Variants in GPM6A observed in about 807,000 individuals in gnomAD.
The protein encoded by GPM6A is neuronal membrane glycoprotein M6-a.
In GPM6A, 7 loss-of-function variants were observed where a neutral mutation model predicts 32.1. That is an observed-to-expected ratio of 0.22 (90% confidence interval 0.12 to 0.41). The LOEUF (loss-of-function observed/expected upper bound fraction) is 0.41. GPM6A is among the 10% of genes least tolerant of loss of function. GPM6A has a pLI of 1.00. For missense variants in GPM6A, 235 were observed against 347.2 expected, an observed-to-expected ratio of 0.68 and a Z score of 2.57; for synonymous variants, 130 against 123.4, an observed-to-expected ratio of 1.05 and a Z score of -0.35.
At chr4:175,665,121 A>T (rs2110958184) in intron 3 of GPM6A, among the ~76,000 whole-genome samples, 1 of 152,318 alleles carries the variant, frequency 6.6e-6, no homozygotes, top group South Asian at 2.1e-4. Flanking sequence ...TAGGGGGTGC[A>T]TCACTGTAAT....
At chr4:175,847,836 A>T (rs1404219279) in intron 1 of GPM6A, among the ~76,000 whole-genome samples, 1 of 152,224 alleles carries the variant, frequency 6.6e-6, no homozygotes, top group Non-Finnish European at 1.5e-5. Flanking sequence ...GTAGCACGTG[A>T]TAAGTGCTTT....
Position 175,710,416 on chromosome 4 carries a change from TAA to T in GPM6A, c.38-8651_38-8650del, listed in dbSNP as rs1745462763. On this transcript the variant is annotated intron_variant, in intron 1 of 6. Coordinates refer to ENST00000393658, the MANE Select transcript of GPM6A (RefSeq NM_201591.3). Reference sequence around the variant, plus strand: ...TTCTTGTTCAGTTTTAAGTATTCTCTAAAGTTTATTGAGATCTCTTTTTGACA... The same window carrying T: ...TTCTTGTTCAGTTTTAAGTATTCTCTAGTTTATTGAGATCTCTTTTTGACA... 9.8e-5 allele frequency among the ~76,000 whole-genome samples: 15 copies of T among 152,304 alleles called. No homozygotes were observed. In the South Asian group the frequency reaches 3.1e-3, roughly 32 times the overall value.
intron 4 of GPM6A, among the ~76,000 whole-genome samples, chr4:175,648,448 T>G (rs1199849230): frequency 6.6e-6 from 1 of 152,164 alleles, no homozygotes; most frequent in Non-Finnish European, 1.5e-5. Context: ...ATCAAGTAAA[T>G]GTAGGAGATC....
At chr4:175,840,249 A>C (rs1031040722) in intron 1 of GPM6A, among the ~76,000 whole-genome samples, 1 of 152,230 alleles carries the variant, frequency 6.6e-6, no homozygotes, top group African/African-American at 2.4e-5. Flanking sequence ...CAATCTTTAA[A>C]GTATTTACTT....
At chr4:175,781,591 C>A (rs187419500) in intron 1 of GPM6A, among the ~76,000 whole-genome samples, 2 of 152,338 alleles carry the variant, frequency 1.3e-5, no homozygotes, top group East Asian at 1.9e-4. Flanking sequence ...TTCATTCGGT[C>A]ATTACCTCAA....
At chr4:175,970,890 C>T (rs1233245150) in intron 1 of GPM6A, 1 of 452,984 alleles carries the variant, frequency 2.2e-6, no homozygotes, top group Non-Finnish European at 4.4e-6. Flanking sequence ...AGGCATCACT[C>T]GATACCGACA....
chr4:175,726,557 G>T (rs1468132137), intron 1 of GPM6A, among the ~76,000 whole-genome samples: 2 of 152,098 alleles, frequency 1.3e-5, no homozygotes, highest in African/African-American at 4.8e-5. Context: ...AAACTATGCT[G>T]AAGCTTTACA....
intron 2 of GPM6A, among the ~76,000 whole-genome samples, chr4:175,682,033 T>C (rs1429048333): frequency 1.3e-5 from 2 of 152,174 alleles, no homozygotes; most frequent in African/African-American, 2.4e-5. Flanking sequence ...TAAATGATTG[T>C]GACCAACATG....
intron 2 of GPM6A, among the ~76,000 whole-genome samples, chr4:175,699,520 C>A (rs1450094624): frequency 6.6e-6 from 1 of 152,168 alleles, no homozygotes; most frequent in African/African-American, 2.4e-5. Flanking sequence ...GTTAATTCTT[C>A]ATTCCCATTT....
chr4:175,640,708 G>T, intron 5 of GPM6A, 45 bp downstream of exon 5: 1 of 1,230,608 alleles, frequency 8.1e-7, no homozygotes, highest in Non-Finnish European at 1.2e-6. Flanking sequence ...AATAAAAAAT[G>T]AATGCTAAAA....
Position 175,634,792 on chromosome 4 carries a change from T to A in GPM6A, c.*113A>T. 2.7e-6 allele frequency: 2 copies of A among 750,776 alleles called. No homozygotes were observed. The highest frequency in any genetic ancestry group is 2.2e-6 in the Non-Finnish European group (1 of 446,568). The allele number at this position is 750,776 out of a possible 1,614,324, so 46.5% of individuals were successfully genotyped here. The stretch of plus-strand genomic sequence containing the variant: ...TACTCAGGTGATTCATAAGTCACCT[T>A]ACATATCATTGATGAGAAGCACTTT... On this transcript the variant is annotated 3_prime_UTR_variant, in exon 7 of 7. Transcript: ENST00000393658.
chr4:175,703,373 T>C (rs1434443770), intron 1 of GPM6A, among the ~76,000 whole-genome samples: 1 of 152,212 alleles, frequency 6.6e-6, no homozygotes, highest in Non-Finnish European at 1.5e-5. Flanking sequence ...GGTTTTGCCA[T>C]GTTGGCCAGG....
At chr4:175,844,668 T>C (rs1449838713) in intron 1 of GPM6A, among the ~76,000 whole-genome samples, 1 of 152,188 alleles carries the variant, frequency 6.6e-6, no homozygotes, top group Non-Finnish European at 1.5e-5. Context: ...TGTCCAACTT[T>C]CTGACTCTAC....
chr4:175,762,447 T>C (rs917912610), intron 1 of GPM6A, among the ~76,000 whole-genome samples: 9 of 152,182 alleles, frequency 5.9e-5, no homozygotes, highest in Admixed American at 4.6e-4. Context: ...ATTGAAGCCA[T>C]AGGGGTAAAT....
intron 2 of GPM6A, among the ~76,000 whole-genome samples, chr4:175,687,456 A>T (rs558575316): frequency 1.3e-5 from 2 of 151,910 alleles, no homozygotes; most frequent in Non-Finnish European, 2.9e-5. Flanking sequence ...TATTTTACTT[A>T]GTGTAATGTC....
chr4:175,642,104 T>C (rs1298202783), intron 4 of GPM6A: 1 of 152,216 alleles, frequency 6.6e-6, no homozygotes, highest in Non-Finnish European at 1.5e-5. Flanking sequence ...TGCCAATAGT[T>C]TGTGGAATCT....
intron 1 of GPM6A, among the ~76,000 whole-genome samples, chr4:175,740,469 G>A (rs966585642): frequency 4.6e-5 from 7 of 151,918 alleles, no homozygotes; most frequent in Admixed American, 2.0e-4. Flanking sequence ...ACCAGCAAAT[G>A]TCATTGTGGA....
At chr4:175,914,489 A>C (rs886846309) in intron 1 of GPM6A, among the ~76,000 whole-genome samples, 3 of 152,004 alleles carry the variant, frequency 2.0e-5, no homozygotes, top group Admixed American at 6.6e-5. Context: ...CGACCAGTTA[A>C]TTTTTGTATT....
intron 1 of GPM6A, among the ~76,000 whole-genome samples, chr4:175,942,425 G>A (rs758364484): frequency 6.6e-6 from 1 of 152,086 alleles, no homozygotes; most frequent in Non-Finnish European, 1.5e-5. Flanking sequence ...CATTGCTTTT[G>A]GTGTTTTAGT....
Sources: gnomAD v4.1 joint callset for allele counts (sites outside exome capture counted in the v4.1 genomes callset) on GRCh38, gnomAD v4.1.1 for gene constraint, MANE v1.5 for transcripts, NCBI Gene and HGNC (gene_info 2026-07-23, HGNC 2026-07-21) for gene names.